ICA1L: variants seen among roughly 807,000 people sequenced by gnomAD.
ICA1L encodes the protein islet cell autoantigen 1 like.
ICA1L carries 50 observed loss-of-function variants against 61.3 expected under a neutral mutation model. The observed-to-expected ratio is 0.82, with a 90% CI of 0.65 to 1.03. The LOEUF (loss-of-function observed/expected upper bound fraction) is 1.03. Ranked by LOEUF, ICA1L falls within the 50% of genes least tolerant of loss-of-function variation. ICA1L has a pLI of 0.00. For missense variants in ICA1L, 508 were observed against 556.7 expected (o/e 0.91, Z 0.88); for synonymous variants, 161 against 191.3 (o/e 0.84, Z 1.31).
chr2:202,819,657 C>T (rs191191927), intron 5 of ICA1L, 44 bp downstream of exon 5: 16 of 1,391,740 alleles, frequency 1.1e-5, no homozygotes, highest in South Asian at 2.4e-5. Context: ...GTGGCAGTTT[C>T]ATATTTCATA....
intron 1 of ICA1L, among the ~76,000 whole-genome samples, chr2:202,865,246 G>T (rs1462748591): frequency 6.6e-6 from 1 of 151,450 alleles, no homozygotes; most frequent in Non-Finnish European, 1.5e-5. Flanking sequence ...AGGCGGGCGG[G>T]TCACTTGAGG....
rs145334520 is a variant in ICA1L at position 202,778,268 on chromosome 2, G to C, written c.*1265C>G. The C allele has an allele frequency of 7.4e-4, 113 of 152,194 alleles. No individual in the cohort carries two copies. The highest frequency in any genetic ancestry group is 3.4e-3 in the Middle Eastern group (1 of 294). The allele number at this position is 152,194 out of a possible 1,614,324, so 9.4% of individuals were successfully genotyped here. A position where few individuals can be genotyped will look rare whatever the true frequency, so the allele number is the denominator to read the frequency against. ...TTGGGAAATTGCTTCAAAATTAAAGGGTGGGCAATTTAAAAGGACAGGAAA... is the reference window on the plus strand; with the variant it reads ...TTGGGAAATTGCTTCAAAATTAAAGCGTGGGCAATTTAAAAGGACAGGAAA... On this transcript the variant is annotated 3_prime_UTR_variant, in exon 13 of 13. Transcript: ENST00000358299.
chr2:202,869,816 T>C (rs576294273), intron 1 of ICA1L, among the ~76,000 whole-genome samples: 11 of 152,094 alleles, frequency 7.2e-5, no homozygotes, highest in Non-Finnish European at 1.5e-4. Flanking sequence ...ATGAGATACA[T>C]AGAAGGTGAC....
In ICA1L at chr2:202,801,503, T is replaced by A. The variant is rs549616131; in HGVS notation, c.911-4539A>T. ...TTTCTAATTACTTCCTCAGTAGAGT[T>A]CTTAAAGTAAAATTTCTCAAAGTCT... On this transcript the variant is annotated intron_variant, in intron 9 of 12. Transcript: ENST00000358299. 1.7e-4 allele frequency among the ~76,000 whole-genome samples: 26 copies of A among 152,362 alleles called. No individual in the cohort carries two copies. In the East Asian group the frequency reaches 4.6e-3, roughly 27 times the overall value.
chr2:202,851,693 G>A (rs1385039916), intron 1 of ICA1L, among the ~76,000 whole-genome samples: 1 of 152,150 alleles, frequency 6.6e-6, no homozygotes, highest in Non-Finnish European at 1.5e-5. Context: ...AGTTTTTAAT[G>A]ATCGCCATTC....
At chr2:202,858,770 C>T (rs114564801) in intron 1 of ICA1L, among the ~76,000 whole-genome samples, 5,947 of 152,262 alleles carry the variant, frequency 0.039, 378 homozygotes, top group African/African-American at 0.13. Context: ...CATTGTGTTA[C>T]AGTTGCGTAC....
At chr2:202,853,155 G>A (rs1386810141) in intron 1 of ICA1L, among the ~76,000 whole-genome samples, 3 of 151,888 alleles carry the variant, frequency 2.0e-5, no homozygotes, top group Admixed American at 6.6e-5. Flanking sequence ...TCAGGAGATC[G>A]AGACCATCCT....
Position 202,826,624 on chromosome 2 carries a change from A to C in ICA1L, c.163-857T>G, listed in dbSNP as rs78603361. Among the ~76,000 whole-genome samples the C allele has an allele frequency of 2.6e-5, 4 of 152,038 alleles. No individual in the cohort carries two copies. The East Asian group carries it at 7.7e-4, about 29-fold the overall frequency. On this transcript the variant is annotated intron_variant, in intron 2 of 12. Coordinates refer to ENST00000358299, the MANE Select transcript of ICA1L (RefSeq NM_001288622.3). Reference sequence around the variant, plus strand: ...GTAGCTGGGATTACAGATGCCCATTACCGTGCCCAGCTAATTTTTGTATTT... The same window carrying C: ...GTAGCTGGGATTACAGATGCCCATTCCCGTGCCCAGCTAATTTTTGTATTT...
chr2:202,825,546 G>A (rs1693818815), intron 3 of ICA1L, 149 bp downstream of exon 3: 2 of 1,354,984 alleles, frequency 1.5e-6, no homozygotes, highest in Non-Finnish European at 1.9e-6. Context: ...GAGAATACTG[G>A]GGCCTTTGAG....
chr2:202,855,038 C>T (rs1694732580), intron 1 of ICA1L, among the ~76,000 whole-genome samples: 1 of 152,158 alleles, frequency 6.6e-6, no homozygotes, highest in African/African-American at 2.4e-5. Flanking sequence ...CAATCTGCTC[C>T]TGAACGACTA....
intron 1 of ICA1L, chr2:202,841,685 G>A (rs1694335885): frequency 3.7e-6 from 2 of 543,158 alleles, no homozygotes; most frequent in Admixed American, 4.4e-5. Context: ...GCAGGCACCG[G>A]GCCCACGCGC....
intron 8 of ICA1L, 67 bp downstream of exon 8, chr2:202,814,635 C>G: frequency 9.9e-7 from 1 of 1,005,976 alleles, no homozygotes. Context: ...ACAATTCTTT[C>G]CACATATATC....
At chr2:202,853,098 C>A (rs1219553944) in intron 1 of ICA1L, among the ~76,000 whole-genome samples, 2 of 152,058 alleles carry the variant, frequency 1.3e-5, no homozygotes, top group African/African-American at 4.8e-5. Context: ...GTGGCTCACG[C>A]CTGTAATCCC....
intron 12 of ICA1L, among the ~76,000 whole-genome samples, chr2:202,782,423 T>A (rs1170906331): frequency 6.6e-6 from 1 of 152,096 alleles, no homozygotes; most frequent in African/African-American, 2.4e-5. Context: ...GTTTTTTTTT[T>A]TTGAGATGGA....
intron 10 of ICA1L, among the ~76,000 whole-genome samples, chr2:202,792,646 T>G (rs1472559491): frequency 6.6e-6 from 1 of 151,444 alleles, no homozygotes; most frequent in Non-Finnish European, 1.5e-5. Context: ...CTACTAAAAA[T>G]ATAGAACAAA....
intron 11 of ICA1L, among the ~76,000 whole-genome samples, chr2:202,787,555 T>G (rs1392132904): frequency 6.6e-6 from 1 of 152,260 alleles, no homozygotes; most frequent in Non-Finnish European, 1.5e-5. Context: ...ATTCAATCAA[T>G]TCTTACTGAG....
rs1692185573 is a variant in ICA1L, at chr2:202,775,261, A to T, written c.*4272T>A. The T allele has an allele frequency of 6.6e-6, 1 of 152,182 alleles. No homozygotes were observed. The highest frequency in any genetic ancestry group is 1.5e-5 in the Non-Finnish European group (1 of 68,030). 9.4% of individuals were successfully genotyped at this position (152,182 alleles called of 1,614,324 possible). On this transcript the variant is annotated 3_prime_UTR_variant, in exon 13 of 13. Transcript: ENST00000358299. Reference sequence around the variant, plus strand: ...AAATTCTGGGACTGCTTCATTGCTCAAGGTAGAGAAATGCAGGGCCCTGCC... The same window carrying T: ...AAATTCTGGGACTGCTTCATTGCTCTAGGTAGAGAAATGCAGGGCCCTGCC...
rs548551506 is a variant in ICA1L, at chr2:202,859,045, T to C, written c.-8+12574A>G. On this transcript the variant is annotated intron_variant, in intron 1 of 12. Transcript: ENST00000358299. Reference sequence around the variant, plus strand: ...CCGCCCATTAATTCAGAAATGGTTTTTGGCTCTGGCAAATCAATAAGTATA... The same window carrying C: ...CCGCCCATTAATTCAGAAATGGTTTCTGGCTCTGGCAAATCAATAAGTATA... Among the ~76,000 whole-genome samples, 6 of 152,338 alleles carry C rather than the reference T, an allele frequency of 3.9e-5. No homozygotes were observed. The South Asian group carries it at 1.2e-3, about 32-fold the overall frequency.
chr2:202,773,668 T>C lies in ICA1L; in HGVS notation c.*5865A>G. On this transcript the variant is annotated 3_prime_UTR_variant, in exon 13 of 13. Coordinates refer to ENST00000358299, the MANE Select transcript of ICA1L (RefSeq NM_001288622.3). ...TTCCATCCATTTGAGCTTTCAGAGA[T>C]AGATGCCCAAGAGCTATCATTAATA... 2.5e-6 allele frequency: 2 copies of C among 788,660 alleles called. No homozygotes were observed. The highest frequency in any genetic ancestry group is 4.1e-6 in the Non-Finnish European group (2 of 484,112). 48.9% of individuals were successfully genotyped at this position (788,660 alleles called of 1,614,324 possible).
Sources: allele counts gnomAD v4.1 joint callset (sites outside exome capture counted in the v4.1 genomes callset), GRCh38; gene constraint gnomAD v4.1.1; transcripts MANE v1.5; gene names NCBI Gene and HGNC (gene_info 2026-07-23, HGNC 2026-07-21).